Variants in SGTB observed in about 807,000 individuals in gnomAD.
SGTB encodes the protein small glutamine-rich tetratricopeptide repeat-containing protein beta.
SGTB carries 19 observed loss-of-function variants against 43.9 expected under a neutral mutation model. That is an observed-to-expected ratio of 0.43 (90% CI 0.30 to 0.63). SGTB has a LOEUF of 0.63. Among genes scored for constraint, SGTB ranks in the 30% least tolerant of loss-of-function variants. The pLI, the probability that SGTB is intolerant of heterozygous loss-of-function variation, is 0.12. For synonymous variants in SGTB, 116 were observed against 117.3 expected, an observed-to-expected ratio of 0.99 and a Z score of 0.07; for missense variants, 304 against 358.9, an observed-to-expected ratio of 0.85 and a Z score of 1.24.
chr5:65,701,987 C>G (rs1322363422), intron 5 of SGTB, among the ~76,000 whole-genome samples: 1 of 152,194 alleles, frequency 6.6e-6, no homozygotes, highest in East Asian at 1.9e-4. Flanking sequence ...CAATTGCTCT[C>G]TAGCCACATT....
At chr5:65,676,531 A>G (rs1757268212) in intron 8 of SGTB, among the ~76,000 whole-genome samples, 1 of 152,162 alleles carries the variant, frequency 6.6e-6, no homozygotes, top group South Asian at 2.1e-4. Context: ...GATCATCAAG[A>G]CAGAAAACTA....
intron 2 of SGTB, among the ~76,000 whole-genome samples, chr5:65,716,066 G>A (rs767795657): frequency 1.3e-5 from 2 of 152,178 alleles, no homozygotes; most frequent in African/African-American, 2.4e-5. Flanking sequence ...CACCGCACCC[G>A]GCCCACAGCT....
chr5:65,720,401 T>A (rs1380802714), intron 2 of SGTB, among the ~76,000 whole-genome samples: 2 of 152,148 alleles, frequency 1.3e-5, no homozygotes, highest in Non-Finnish European at 2.9e-5. Flanking sequence ...TTTTCTCACT[T>A]GTTAAATGGG....
chr5:65,685,798 CT>C (rs1757485899), intron 5 of SGTB, among the ~76,000 whole-genome samples: 1 of 152,186 alleles, frequency 6.6e-6, no homozygotes, highest in African/African-American at 2.4e-5. Flanking sequence ...GACATCTTGG[CT>C]ACTATGGAGG....
At chr5:65,685,984 C>T (rs972328920) in intron 5 of SGTB, among the ~76,000 whole-genome samples, 2 of 152,200 alleles carry the variant, frequency 1.3e-5, no homozygotes, top group Non-Finnish European at 2.9e-5. Flanking sequence ...CAGAAGTTCT[C>T]ATAATCTTGT....
chr5:65,670,550 T>C (rs1392859614), intron 10 of SGTB, among the ~76,000 whole-genome samples, 193 bp from the exon 11 acceptor site: 1 of 152,172 alleles, frequency 6.6e-6, no homozygotes, highest in Admixed American at 6.5e-5. Flanking sequence ...CAGTGTTCTT[T>C]ATAAGAAACA....
At chr5:65,673,358 C>T (rs925460088) in intron 8 of SGTB, among the ~76,000 whole-genome samples, 4 of 152,194 alleles carry the variant, frequency 2.6e-5, no homozygotes, top group Non-Finnish European at 4.4e-5. Context: ...TCCCCAACCC[C>T]TGGGCCACAG....
upstream of SGTB, chr5:65,722,290 C>CCGGGCGCCCAGGCG (rs1758322471): frequency 8.8e-7 from 1 of 1,135,356 alleles, no homozygotes; most frequent in African/African-American, 1.6e-5. Flanking sequence ...CTCGAGACTC[C>CCGGGCGCCCAGGCG]CGGGCGCCCA....
intron 2 of SGTB, among the ~76,000 whole-genome samples, chr5:65,714,911 T>C (rs1377128518): frequency 3.9e-5 from 6 of 152,192 alleles, no homozygotes; most frequent in Admixed American, 3.3e-4. Context: ...TGGAGAACCA[T>C]TAAAGAATTT....
intron 4 of SGTB, 63 bp downstream of exon 4, chr5:65,708,421 ATTGAC>A: frequency 1.5e-6 from 2 of 1,354,092 alleles, no homozygotes; most frequent in Middle Eastern, 1.8e-4. Context: ...AACTATATCA[ATTGAC>A]AGTAATTTCC....
At chr5:65,697,504 G>A (rs1332411393) in intron 5 of SGTB, among the ~76,000 whole-genome samples, 1 of 152,122 alleles carries the variant, frequency 6.6e-6, no homozygotes, top group Non-Finnish European at 1.5e-5. Context: ...AACATTTCAT[G>A]ACACTCAAGT....
intron 2 of SGTB, among the ~76,000 whole-genome samples, chr5:65,715,613 T>C (rs1758132075): frequency 6.6e-6 from 1 of 152,250 alleles, no homozygotes; most frequent in Non-Finnish European, 1.5e-5. Flanking sequence ...ACTTTTGACA[T>C]ATCAGTGAAT....
intron 5 of SGTB, among the ~76,000 whole-genome samples, chr5:65,692,827 C>G (rs940062078): frequency 2.6e-5 from 4 of 152,012 alleles, no homozygotes; most frequent in Admixed American, 1.3e-4. Flanking sequence ...GGAGATATAG[C>G]TGAAGTATTT....
intron 2 of SGTB, among the ~76,000 whole-genome samples, chr5:65,714,552 C>T (rs568967097): frequency 2.6e-4 from 39 of 152,158 alleles, no homozygotes; most frequent in Non-Finnish European, 3.7e-4. Flanking sequence ...CGGTGGCTCA[C>T]GCCTATAATC....
At chr5:65,695,438 C>G (rs910625095) in intron 5 of SGTB, among the ~76,000 whole-genome samples, 1 of 152,034 alleles carries the variant, frequency 6.6e-6, no homozygotes. Flanking sequence ...GCCTCAGAGG[C>G]CAGGAAAGGA....
chr5:65,675,497 T>C (rs752164411), intron 8 of SGTB, among the ~76,000 whole-genome samples: 1 of 152,186 alleles, frequency 6.6e-6, no homozygotes, highest in Non-Finnish European at 1.5e-5. Flanking sequence ...GATTTTTATA[T>C]ATAATTTTGG....
rs962256029 is a variant in SGTB, at chr5:65,707,433, CACATAT to C, written c.274+1050_274+1055del. Among the ~76,000 whole-genome samples, 11 of 145,968 alleles carry C rather than the reference CACATAT, an allele frequency of 7.5e-5. 1 individual carries two copies. Among genetic ancestry groups the C allele is most frequent in the African/African-American group, 2.6e-4 (10 of 38,408 alleles). On this transcript the variant is annotated intron_variant, in intron 4 of 10. Coordinates refer to ENST00000381007, the MANE Select transcript of SGTB (RefSeq NM_019072.3). Reference sequence around the variant, plus strand: ...ACACACACACACACACACACACACACACATATATTTTTTTTTTTTTGAGATGGAGTC... The same window carrying C: ...ACACACACACACACACACACACACACATTTTTTTTTTTTTGAGATGGAGTC...
At position 65,673,469 on chromosome 5, in the gene SGTB, C is replaced by G. The variant is rs1241144226; in HGVS notation, c.682-1188G>C. The stretch of plus-strand genomic sequence containing the variant: ...GTCAGATCAGCTGCAGCATTAGATT[C>G]TCATAGGAGCAAGAACCCTATTGTG... On this transcript the variant is annotated intron_variant, in intron 8 of 10. Transcript: ENST00000381007. 1.3e-5 allele frequency among the ~76,000 whole-genome samples: 2 copies of G among 152,156 alleles called. 1 individual carries two copies. Among genetic ancestry groups the G allele is most frequent in the African/African-American group, 4.8e-5 (2 of 41,442 alleles).
chr5:65,718,094 G>C (rs1758185445), intron 2 of SGTB, among the ~76,000 whole-genome samples: 1 of 152,168 alleles, frequency 6.6e-6, no homozygotes, highest in African/African-American at 2.4e-5. Context: ...GGCAATAGTG[G>C]TCAGGAAGTG....
Sources: gnomAD v4.1 joint callset for allele counts (sites outside exome capture counted in the v4.1 genomes callset) on GRCh38, gnomAD v4.1.1 for gene constraint, MANE v1.5 for transcripts, NCBI Gene and HGNC (gene_info 2026-07-23, HGNC 2026-07-21) for gene names.